Variants in EPHA5 observed in about 807,000 individuals in gnomAD.
The protein encoded by EPHA5 is ephrin type-A receptor 5.
In EPHA5, 60 loss-of-function variants were observed where a neutral mutation model predicts 105.0. The ratio of observed to expected loss-of-function variants is 0.57; its 90% CI spans 0.46 to 0.71. The LOEUF (loss-of-function observed/expected upper bound fraction) is 0.71, where lower values mean the gene tolerates loss of function less well. Ranked by LOEUF, EPHA5 falls within the 30% of genes least tolerant of loss-of-function variation. The pLI is 0.00. For missense variants in EPHA5, 1,218 were observed against 1,274.7 expected (o/e 0.96, Z 0.68); for synonymous variants, 513 against 449.1 (o/e 1.14, Z -1.80).
intron 2 of EPHA5, among the ~76,000 whole-genome samples, chr4:65,616,517 G>C (rs1486088933): frequency 6.6e-6 from 1 of 151,278 alleles, no homozygotes; most frequent in Non-Finnish European, 1.5e-5. Flanking sequence ...AGGATGAAAG[G>C]TCAGGAGAAG....
At chr4:65,593,818 AC>A (rs1365882272) in intron 3 of EPHA5, among the ~76,000 whole-genome samples, 2 of 152,040 alleles carry the variant, frequency 1.3e-5, no homozygotes, top group Admixed American at 6.6e-5. Flanking sequence ...GCACACAAAT[AC>A]CTCCTGATGC....
chr4:65,632,070 A>T (rs867962829), intron 2 of EPHA5, among the ~76,000 whole-genome samples: 1 of 152,044 alleles, frequency 6.6e-6, no homozygotes, highest in Admixed American at 6.6e-5. Context: ...AATCCTTATA[A>T]CAACCTTGTA....
intron 5 of EPHA5, among the ~76,000 whole-genome samples, chr4:65,478,765 C>T (rs542315534): frequency 6.6e-6 from 1 of 152,154 alleles, no homozygotes; most frequent in South Asian, 2.1e-4. Context: ...AGCCAAGGGA[C>T]CCGGCTTTGA....
At chr4:65,533,847 T>C (rs965139162) in intron 3 of EPHA5, among the ~76,000 whole-genome samples, 3 of 150,992 alleles carry the variant, frequency 2.0e-5, no homozygotes, top group South Asian at 2.1e-4. Flanking sequence ...GGCAGGAGAG[T>C]CACTTGAACC....
chr4:65,624,784 A>G lies in EPHA5; in HGVS notation c.246+18579T>C, dbSNP rs188721313. Among the ~76,000 whole-genome samples, 16 of 152,314 alleles carry G rather than the reference A, an allele frequency of 1.1e-4. No homozygotes were observed. The East Asian group carries it at 2.9e-3, about 28-fold the overall frequency. On this transcript the variant is annotated intron_variant, in intron 2 of 16. Transcript: ENST00000613740. ...CCAGGAACCAAACTGTTAGGATTCT[A>G]TTCTCAGCTTCACTTTCCAGCTCTA... is the stretch of plus-strand genomic sequence containing the variant.
intron 2 of EPHA5, among the ~76,000 whole-genome samples, chr4:65,607,359 A>C (rs193148480): frequency 1.8e-3 from 267 of 152,270 alleles, no homozygotes; most frequent in African/African-American, 5.7e-3. Context: ...TATGCACAGC[A>C]AAAGAAACTA....
intron 2 of EPHA5, among the ~76,000 whole-genome samples, chr4:65,634,705 C>T (rs916975222): frequency 3.3e-5 from 5 of 152,024 alleles, no homozygotes; most frequent in African/African-American, 9.7e-5. Context: ...TTGTCTATCA[C>T]TGTTCAAATA....
chr4:65,519,708 T>C (rs1032527990), intron 3 of EPHA5, among the ~76,000 whole-genome samples: 1 of 151,982 alleles, frequency 6.6e-6, no homozygotes, highest in Non-Finnish European at 1.5e-5. Context: ...TGTGCAAAAA[T>C]CACAAGCATT....
chr4:65,576,380 G>T (rs1741056721), intron 3 of EPHA5, among the ~76,000 whole-genome samples: 1 of 152,176 alleles, frequency 6.6e-6, no homozygotes, highest in Admixed American at 6.5e-5. Context: ...AAGAAGTACA[G>T]CCTTTTTACA....
intron 3 of EPHA5, among the ~76,000 whole-genome samples, chr4:65,503,892 G>A (rs1448022267): frequency 7.6e-6 from 1 of 132,418 alleles, no homozygotes; most frequent in Non-Finnish European, 1.6e-5. Flanking sequence ...AATTTTAATA[G>A]CATTCATGTG....
intron 15 of EPHA5, among the ~76,000 whole-genome samples, chr4:65,333,289 T>A (rs900574700): frequency 3.3e-5 from 5 of 151,778 alleles, no homozygotes; most frequent in African/African-American, 1.2e-4. Flanking sequence ...TTCTCTCTAC[T>A]TTCTCACATT....
chr4:65,325,437 C>T (rs1224114166), intron 16 of EPHA5, among the ~76,000 whole-genome samples: 1 of 148,776 alleles, frequency 6.7e-6, no homozygotes, highest in African/African-American at 2.4e-5. Context: ...TTTCTTATGA[C>T]AGTTTTAGGA....
intron 5 of EPHA5, among the ~76,000 whole-genome samples, chr4:65,465,204 G>A (rs1264143904): frequency 6.6e-6 from 1 of 152,020 alleles, no homozygotes; most frequent in African/African-American, 2.4e-5. Flanking sequence ...TTGGGAGGCA[G>A]AAGCAGGCGG....
At chr4:65,388,007 C>G (rs1233975989) in intron 8 of EPHA5, among the ~76,000 whole-genome samples, 6 of 115,074 alleles carry the variant, frequency 5.2e-5, no homozygotes. Context: ...GTGATGTTCC[C>G]CTTCCTGTGT....
At chr4:65,540,803 G>A (rs1736749796) in intron 3 of EPHA5, among the ~76,000 whole-genome samples, 2 of 147,426 alleles carry the variant, frequency 1.4e-5, no homozygotes, top group African/African-American at 5.0e-5. Flanking sequence ...TCTCTTTAAT[G>A]GTATGAGTTT....
At chr4:65,383,091 C>A (rs112617223) in intron 8 of EPHA5, among the ~76,000 whole-genome samples, 1,535 of 148,950 alleles carry the variant, frequency 0.01, 26 homozygotes, top group East Asian at 0.044. Flanking sequence ...ATGTAAAAAT[C>A]TTATGCATAA....
chr4:65,422,323 C>A (rs954539096), intron 5 of EPHA5, among the ~76,000 whole-genome samples: 83 of 152,014 alleles, frequency 5.5e-4, no homozygotes, highest in African/African-American at 1.9e-3. Context: ...TTGTGAATGG[C>A]AGCAATCCTT....
chr4:65,547,369 C>G (rs772450700), intron 3 of EPHA5, among the ~76,000 whole-genome samples: 1 of 150,248 alleles, frequency 6.7e-6, no homozygotes, highest in Non-Finnish European at 1.5e-5. Flanking sequence ...CAAAAGAAAG[C>G]AGGTAATAAA....
At chr4:65,521,781 T>A (rs1452603944) in intron 3 of EPHA5, among the ~76,000 whole-genome samples, 1 of 151,956 alleles carries the variant, frequency 6.6e-6, no homozygotes, top group Non-Finnish European at 1.5e-5. Context: ...TTTCCTTTCC[T>A]TTTCTTTGTG....
Sources: gnomAD v4.1 joint callset for allele counts (sites outside exome capture counted in the v4.1 genomes callset) on GRCh38, gnomAD v4.1.1 for gene constraint, MANE v1.5 for transcripts, NCBI Gene and HGNC (gene_info 2026-07-23, HGNC 2026-07-21) for gene names.